XRCC4: variants seen among roughly 807,000 people sequenced by gnomAD.
XRCC4 encodes the protein X-ray repair cross complementing 4.
A neutral mutation model predicts 39.1 loss-of-function variants in XRCC4; 28 were observed. That is an observed-to-expected ratio of 0.72 (90% CI 0.53 to 0.98). The LOEUF (loss-of-function observed/expected upper bound fraction) is 0.98, where lower values mean the gene tolerates loss of function less well. XRCC4 is among the 50% of genes least tolerant of loss of function. XRCC4 has a pLI of 0.00. For synonymous variants in XRCC4, 123 were observed against 126.4 expected, an observed-to-expected ratio of 0.97 and a Z score of 0.18; for missense variants, 350 against 376.4, an observed-to-expected ratio of 0.93 and a Z score of 0.58.
intron 7 of XRCC4, among the ~76,000 whole-genome samples, chr5:83,350,223 T>C (rs569758277): frequency 1.1e-3 from 171 of 152,332 alleles, no homozygotes; most frequent in African/African-American, 3.9e-3. Context: ...GCAATGAACA[T>C]GCCAGTGCAT....
At chr5:83,283,664 C>T (rs1364314145) in intron 7 of XRCC4, among the ~76,000 whole-genome samples, 2 of 152,102 alleles carry the variant, frequency 1.3e-5, no homozygotes, top group African/African-American at 4.8e-5. Context: ...TCCAAATATT[C>T]TTACTGTTTT....
chr5:83,158,296 T>C (rs1006875732), intron 3 of XRCC4, among the ~76,000 whole-genome samples: 1 of 152,116 alleles, frequency 6.6e-6, no homozygotes, highest in Non-Finnish European at 1.5e-5. Flanking sequence ...TAAAAGGAAT[T>C]CTTGTTTTCT....
At chr5:83,083,165 C>T (rs756718119) in intron 1 of XRCC4, among the ~76,000 whole-genome samples, 6 of 152,062 alleles carry the variant, frequency 3.9e-5, no homozygotes, top group South Asian at 4.1e-4. Context: ...TTTACTTCAG[C>T]GCTTATCATT....
chr5:83,253,532 G>T (rs1753409326), intron 6 of XRCC4, among the ~76,000 whole-genome samples: 2 of 151,840 alleles, frequency 1.3e-5, no homozygotes, highest in East Asian at 1.9e-4. Context: ...ATTTGAGGGG[G>T]CTAGAGATGA....
At chr5:83,175,142 T>C (rs1749895858) in intron 3 of XRCC4, among the ~76,000 whole-genome samples, 1 of 152,210 alleles carries the variant, frequency 6.6e-6, no homozygotes, top group African/African-American at 2.4e-5. Context: ...GTTTGAAAAC[T>C]GAACTTACTA....
chr5:83,372,730 C>A, the XRCC4 span, among the ~76,000 whole-genome samples: 2 of 152,152 alleles, frequency 1.3e-5, no homozygotes, highest in Non-Finnish European at 2.9e-5. Context: ...AGTATAATTT[C>A]TAGCATGACA....
rs148106771 is a variant in XRCC4, at chr5:83,281,934, A to G, written c.893+23257A>G. The stretch of plus-strand genomic sequence containing the variant: ...TAGAAGCTGACTGCCTGGACAGATC[A>G]TTGTCCAAAGACAACAAAAAGCTCA... On this transcript the variant is annotated intron_variant, in intron 7 of 7. Transcript: ENST00000396027. 8.4e-4 allele frequency among the ~76,000 whole-genome samples: 128 copies of G among 152,326 alleles called. 1 individual carries two copies. The highest frequency in any genetic ancestry group is 2.9e-3 in the African/African-American group (119 of 41,578).
intron 3 of XRCC4, among the ~76,000 whole-genome samples, chr5:83,159,057 G>A (rs564884190): frequency 7.1e-4 from 108 of 152,008 alleles, no homozygotes; most frequent in African/African-American, 2.5e-3. Context: ...AAGTTTTGTG[G>A]GATTCTTGTA....
chr5:83,251,158 A>G (rs764121727), intron 6 of XRCC4, among the ~76,000 whole-genome samples: 6 of 152,220 alleles, frequency 3.9e-5, no homozygotes, highest in Non-Finnish European at 8.8e-5. Flanking sequence ...TATTGGTTGA[A>G]TGAGTGGAGG....
intron 7 of XRCC4, among the ~76,000 whole-genome samples, chr5:83,332,833 A>C (rs531010952): frequency 2.0e-5 from 3 of 152,318 alleles, no homozygotes; most frequent in Admixed American, 6.5e-5. Context: ...AGGGAAAAGA[A>C]GGAGAGGCCA....
At chr5:83,209,083 A>AGTGAGT (rs1554064994) in intron 6 of XRCC4, among the ~76,000 whole-genome samples, 1 of 143,586 alleles carries the variant, frequency 7.0e-6, no homozygotes, top group African/African-American at 2.6e-5. Flanking sequence ...CTCCAAAGTG[A>AGTGAGT]GTGTGTGTGT....
intron 3 of XRCC4, among the ~76,000 whole-genome samples, chr5:83,129,500 C>A (rs922855447): frequency 6.6e-6 from 1 of 151,760 alleles, no homozygotes; most frequent in Non-Finnish European, 1.5e-5. Context: ...TAGTTTTTTT[C>A]AATTCTGTGA....
chr5:83,148,335 G>A (rs1748553814), intron 3 of XRCC4, among the ~76,000 whole-genome samples: 1 of 152,050 alleles, frequency 6.6e-6, no homozygotes, highest in South Asian at 2.1e-4. Flanking sequence ...CTGTTTTTTA[G>A]ATAATTTGAT....
chr5:83,185,521 T>C (rs1750398973), intron 3 of XRCC4, among the ~76,000 whole-genome samples: 1 of 151,670 alleles, frequency 6.6e-6, no homozygotes, highest in South Asian at 2.1e-4. Context: ...TTTATTTTGG[T>C]TTGGATTTGT....
intron 7 of XRCC4, among the ~76,000 whole-genome samples, chr5:83,263,178 C>G (rs1753824538): frequency 6.7e-6 from 1 of 150,138 alleles, no homozygotes; most frequent in Non-Finnish European, 1.5e-5. Context: ...ATGAACTCAT[C>G]ATTTTTTATG....
intron 3 of XRCC4, among the ~76,000 whole-genome samples, chr5:83,139,264 A>T (rs1330074616): frequency 1.6e-4 from 24 of 151,966 alleles, no homozygotes; most frequent in Non-Finnish European, 3.5e-4. Flanking sequence ...TTCACTTTGG[A>T]TTTTTCCTCA....
intron 1 of XRCC4, among the ~76,000 whole-genome samples, chr5:83,083,307 A>C (rs1745037992): frequency 6.6e-6 from 1 of 151,448 alleles, no homozygotes; most frequent in Non-Finnish European, 1.5e-5. Context: ...CATTTGTCTG[A>C]GGCATAGAAG....
intron 6 of XRCC4, among the ~76,000 whole-genome samples, chr5:83,230,794 A>G (rs1438782287): frequency 1.3e-5 from 2 of 152,036 alleles, no homozygotes; most frequent in East Asian, 3.8e-4. Flanking sequence ...ATGTTTATGT[A>G]GGGGCCAAAA....
intron 2 of XRCC4, among the ~76,000 whole-genome samples, chr5:83,105,338 G>A (rs1188348030): frequency 6.6e-6 from 1 of 152,220 alleles, no homozygotes; most frequent in Non-Finnish European, 1.5e-5. Context: ...AATATAAATA[G>A]TACTTTCTAA....
Sources: gnomAD v4.1 joint callset for allele counts (sites outside exome capture counted in the v4.1 genomes callset) on GRCh38, gnomAD v4.1.1 for gene constraint, MANE v1.5 for transcripts, NCBI Gene and HGNC (gene_info 2026-07-23, HGNC 2026-07-21) for gene names.